DNAJC24: variants seen among roughly 807,000 people sequenced by gnomAD.
DNAJC24 encodes the protein dnaJ homolog subfamily C member 24.
Under a neutral mutation model 18.0 loss-of-function variants are expected in DNAJC24, and 17 were observed. The ratio of observed to expected loss-of-function variants is 0.94; its 90% CI spans 0.65 to 1.42. DNAJC24 has a LOEUF of 1.42. DNAJC24 is among the 40% of genes most tolerant of loss of function. The probability of loss-of-function intolerance (pLI) is 0.00; values close to 1 mark genes in which losing one functional copy is unlikely to be tolerated. For synonymous variants in DNAJC24, 55 were observed against 57.7 expected (o/e 0.95, Z 0.21); for missense variants, 158 against 175.6 (o/e 0.90, Z 0.57).
intron 4 of DNAJC24, chr11:31,426,775 T>C (rs1952866451): frequency 6.6e-6 from 1 of 152,298 alleles, no homozygotes; most frequent in Non-Finnish European, 1.5e-5. Context: ...TATAAAATCA[T>C]AAACTGTCAG....
chr11:31,391,453 G>A (rs1204407106), intron 2 of DNAJC24, among the ~76,000 whole-genome samples: 2 of 152,116 alleles, frequency 1.3e-5, no homozygotes, highest in African/African-American at 4.8e-5. Context: ...AAACTTAATA[G>A]ACATTTCTTC....
intron 2 of DNAJC24, among the ~76,000 whole-genome samples, chr11:31,371,676 T>C (rs1184355387): frequency 6.6e-6 from 1 of 152,180 alleles, no homozygotes; most frequent in Non-Finnish European, 1.5e-5. Context: ...TATGCATGCA[T>C]GTATTTGCAC....
chr11:31,376,249 A>G (rs1952314253), intron 2 of DNAJC24, among the ~76,000 whole-genome samples: 2 of 151,908 alleles, frequency 1.3e-5, no homozygotes, highest in African/African-American at 4.8e-5. Flanking sequence ...GAACCATTAA[A>G]CCTGTTTTTC....
At chr11:31,401,117 C>T (rs1952596687) in intron 2 of DNAJC24, among the ~76,000 whole-genome samples, 1 of 152,042 alleles carries the variant, frequency 6.6e-6, no homozygotes, top group Non-Finnish European at 1.5e-5. Context: ...GGCCAAGAAA[C>T]ATGAAAAAAA....
At chr11:31,377,039 C>T (rs1255398890) in intron 2 of DNAJC24, among the ~76,000 whole-genome samples, 3 of 152,084 alleles carry the variant, frequency 2.0e-5, no homozygotes, top group Non-Finnish European at 4.4e-5. Context: ...TTAGAACTAT[C>T]ACATTTTGTT....
chr11:31,395,232 C>A (rs1381183737), intron 2 of DNAJC24, among the ~76,000 whole-genome samples: 1 of 152,292 alleles, frequency 6.6e-6, no homozygotes, highest in African/African-American at 2.4e-5. Context: ...TTTATGGCTA[C>A]ATAGTATTCC....
intron 2 of DNAJC24, among the ~76,000 whole-genome samples, chr11:31,390,985 A>T (rs1386534070): frequency 6.6e-6 from 1 of 152,174 alleles, no homozygotes; most frequent in African/African-American, 2.4e-5. Flanking sequence ...AGCAAACCAG[A>T]TTCAAAAGAT....
At chr11:31,426,092 G>A (rs1437153724) in intron 3 of DNAJC24, among the ~76,000 whole-genome samples, 195 bp from the exon 4 acceptor site, 1 of 152,158 alleles carries the variant, frequency 6.6e-6, no homozygotes, top group Admixed American at 6.6e-5. Context: ...TATAAGAAAT[G>A]TTATGTTCTA....
rs556130593 is a variant in DNAJC24, at chr11:31,396,907, A to G, written c.112-17904A>G. ...TTACAGTTCTGCTTTTCGTAACTCT[A>G]ATACCCATTTTAGTACTTTCTTGCC... On this transcript the variant is annotated intron_variant, in intron 2 of 4. Coordinates refer to ENST00000465995, the MANE Select transcript of DNAJC24 (RefSeq NM_181706.5). Among the ~76,000 whole-genome samples, 19 of 152,106 alleles carry G rather than the reference A, an allele frequency of 1.2e-4. No homozygotes were observed. In the East Asian group the frequency reaches 3.3e-3, roughly 26 times the overall value.
At chr11:31,374,447 A>G (rs1180791630) in intron 2 of DNAJC24, among the ~76,000 whole-genome samples, 1 of 134,272 alleles carries the variant, frequency 7.4e-6, no homozygotes, top group African/African-American at 2.5e-5. Flanking sequence ...AGGATAAACA[A>G]ACCACTTATC....
At chr11:31,429,530 C>A (rs776811083) in intron 4 of DNAJC24, 1 of 385,104 alleles carries the variant, frequency 2.6e-6, no homozygotes, top group South Asian at 1.8e-5. Flanking sequence ...ATCAGAGATT[C>A]TTTAAGTCAA....
At chr11:31,412,368 T>C (rs1183824990) in intron 2 of DNAJC24, among the ~76,000 whole-genome samples, 1 of 152,156 alleles carries the variant, frequency 6.6e-6, no homozygotes, top group East Asian at 1.9e-4. Context: ...TTAATGCTTG[T>C]GACATACTGA....
At chr11:31,370,938 A>G in intron 2 of DNAJC24, 79 bp downstream of exon 2, 1 of 796,578 alleles carries the variant, frequency 1.3e-6, no homozygotes, top group Non-Finnish European at 2.0e-6. Context: ...TTAGGTTTCC[A>G]GAAAATAGGA....
At chr11:31,410,478 G>C (rs1952698119) in intron 2 of DNAJC24, among the ~76,000 whole-genome samples, 3 of 152,102 alleles carry the variant, frequency 2.0e-5, no homozygotes, top group Admixed American at 2.0e-4. Context: ...TCAGTCTGTG[G>C]CTTGTTTATT....
At chr11:31,385,311 C>G (rs1240569925) in intron 2 of DNAJC24, among the ~76,000 whole-genome samples, 2 of 152,154 alleles carry the variant, frequency 1.3e-5, no homozygotes, top group Admixed American at 1.3e-4. Flanking sequence ...AGAATCTACC[C>G]TTACAGTGAC....
At chr11:31,394,721 T>C (rs1952528861) in intron 2 of DNAJC24, among the ~76,000 whole-genome samples, 1 of 151,834 alleles carries the variant, frequency 6.6e-6, no homozygotes, top group South Asian at 2.1e-4. Flanking sequence ...ATTTATAGTA[T>C]TAAATACTTA....
intron 2 of DNAJC24, among the ~76,000 whole-genome samples, chr11:31,387,168 G>A (rs920015498): frequency 4.6e-5 from 7 of 152,184 alleles, no homozygotes; most frequent in Non-Finnish European, 2.9e-5. Context: ...GGGCCAGGGG[G>A]ATCTTACTGT....
intron 2 of DNAJC24, among the ~76,000 whole-genome samples, chr11:31,409,448 G>A (rs11031377): frequency 0.29 from 43,820 of 151,870 alleles, 6,436 homozygotes; most frequent in African/African-American, 0.33. Flanking sequence ...GGTTTCTGTC[G>A]CCACAGATTA....
intron 2 of DNAJC24, among the ~76,000 whole-genome samples, chr11:31,392,554 A>C (rs2133479288): frequency 6.6e-6 from 1 of 152,162 alleles, no homozygotes; most frequent in East Asian, 1.9e-4. Context: ...TTTTCCTTAC[A>C]AATATACCTT....
Sources: gnomAD v4.1 joint callset for allele counts (sites outside exome capture counted in the v4.1 genomes callset) on GRCh38, gnomAD v4.1.1 for gene constraint, MANE v1.5 for transcripts, NCBI Gene and HGNC (gene_info 2026-07-23, HGNC 2026-07-21) for gene names.